TSPEAR: variants seen among roughly 807,000 people sequenced by gnomAD.
The protein encoded by TSPEAR is thrombospondin type laminin G domain and EAR repeats.
Under a neutral mutation model 71.6 loss-of-function variants are expected in TSPEAR, and 69 were observed. The ratio of observed to expected loss-of-function variants is 0.96; its 90% CI spans 0.79 to 1.18. TSPEAR has a LOEUF of 1.18. Among genes scored for constraint, TSPEAR ranks in the 50% most tolerant of loss-of-function variants. The pLI, the probability that TSPEAR is intolerant of heterozygous loss-of-function variation, is 0.00. For missense variants in TSPEAR, 971 were observed against 894.9 expected, an observed-to-expected ratio of 1.09 and a Z score of -1.09; for synonymous variants, 402 against 387.2, an observed-to-expected ratio of 1.04 and a Z score of -0.45.
chr21:44,563,787 C>A (rs2053669959), intron 2 of TSPEAR, among the ~76,000 whole-genome samples: 1 of 152,176 alleles, frequency 6.6e-6, no homozygotes. Context: ...CCTCTGGTCG[C>A]AGTTTCAACT....
At chr21:44,589,354 A>G (rs1979593517) in intron 1 of TSPEAR, among the ~76,000 whole-genome samples, 1 of 152,078 alleles carries the variant, frequency 6.6e-6, no homozygotes, top group Non-Finnish European at 1.5e-5. Flanking sequence ...TTGTCCTCTG[A>G]TGGACATTTA....
chr21:44,706,364 C>T (rs368844468), intron 1 of TSPEAR, among the ~76,000 whole-genome samples: 1 of 151,990 alleles, frequency 6.6e-6, no homozygotes, highest in African/African-American at 2.4e-5. Context: ...CCCACTTGCA[C>T]GCCCATGCAC....
At chr21:44,523,554 C>T (rs1555914586) in intron 8 of TSPEAR, among the ~76,000 whole-genome samples, 1 of 151,120 alleles carries the variant, frequency 6.6e-6, no homozygotes, top group Non-Finnish European at 1.5e-5. Flanking sequence ...GATGGTCAGT[C>T]AGTAAGTCAG....
At chr21:44,647,207 G>A (rs1158049137) in intron 1 of TSPEAR, 4 of 1,613,410 alleles carry the variant, frequency 2.5e-6, no homozygotes, top group African/African-American at 1.3e-5. Context: ...TCCACCTGCT[G>A]TGTGCCCGTC....
intron 1 of TSPEAR, among the ~76,000 whole-genome samples, chr21:44,568,896 C>T (rs1331792794): frequency 6.6e-6 from 1 of 152,210 alleles, no homozygotes; most frequent in African/African-American, 2.4e-5. Flanking sequence ...TCCACTCTGG[C>T]ACCCTCTAGG....
chr21:44,591,735 G>T (rs1387150118), intron 1 of TSPEAR: 2 of 1,596,970 alleles, frequency 1.3e-6, no homozygotes, highest in African/African-American at 2.7e-5. Flanking sequence ...ACTGCTGGCA[G>T]CATGAAGAGG....
chr21:44,534,659 G>A (rs2053057342), intron 2 of TSPEAR, among the ~76,000 whole-genome samples: 1 of 152,160 alleles, frequency 6.6e-6, no homozygotes, highest in Non-Finnish European at 1.5e-5. Context: ...ACACTGTGGA[G>A]AAACTGGAAC....
chr21:44,521,259 A>ACTC (rs1555914216), intron 9 of TSPEAR, among the ~76,000 whole-genome samples: 2 of 151,974 alleles, frequency 1.3e-5, no homozygotes, highest in African/African-American at 4.8e-5. Flanking sequence ...CCTGTCTCGT[A>ACTC]CTCCGCACCT....
At chr21:44,545,443 C>A (rs1197667451) in intron 2 of TSPEAR, among the ~76,000 whole-genome samples, 1 of 152,148 alleles carries the variant, frequency 6.6e-6, no homozygotes, top group African/African-American at 2.4e-5. Flanking sequence ...TCCAACCCAA[C>A]AAGAGTAGAC....
intron 2 of TSPEAR, among the ~76,000 whole-genome samples, chr21:44,536,280 C>T (rs2145994034): frequency 6.6e-6 from 1 of 152,376 alleles, no homozygotes; most frequent in Admixed American, 6.5e-5. Flanking sequence ...ACCTCAGCAA[C>T]ACTGACTTCT....
At chr21:44,646,300 C>A in intron 1 of TSPEAR, 2 of 1,065,474 alleles carry the variant, frequency 1.9e-6, no homozygotes, top group Non-Finnish European at 2.7e-6. Flanking sequence ...GCTGTAAACA[C>A]CAACAAGGAA....
chr21:44,528,359 G>T (rs377046915), intron 6 of TSPEAR, 93 bp downstream of exon 6: 7 of 1,557,288 alleles, frequency 4.5e-6, no homozygotes, highest in Non-Finnish European at 6.1e-6. Context: ...ATTCAGAGGT[G>T]GCTGAGGTGC....
At chr21:44,670,304 G>A (rs1985995466) in intron 1 of TSPEAR, among the ~76,000 whole-genome samples, 1 of 152,084 alleles carries the variant, frequency 6.6e-6, no homozygotes, top group Admixed American at 6.5e-5. Context: ...GTAAAAAGTG[G>A]GCAGGCTCAA....
chr21:44,582,197 C>G (rs1555925230), intron 1 of TSPEAR, among the ~76,000 whole-genome samples: 1 of 152,198 alleles, frequency 6.6e-6, no homozygotes, highest in Non-Finnish European at 1.5e-5. Context: ...TCCACATCAG[C>G]CACCGCGTGA....
intron 1 of TSPEAR, among the ~76,000 whole-genome samples, chr21:44,568,665 A>AGGG (rs1242104336): frequency 6.6e-6 from 1 of 152,176 alleles, no homozygotes; most frequent in African/African-American, 2.4e-5. Flanking sequence ...GGGCTAGCAG[A>AGGG]GGGCTGCAGA....
Position 44,631,439 on chromosome 21 carries a change from G to A in TSPEAR, c.83-63434C>T, listed in dbSNP as rs189939297. 7.1e-4 allele frequency among the ~76,000 whole-genome samples: 108 copies of A among 152,258 alleles called. 1 individual carries two copies. The highest frequency in any genetic ancestry group is 2.2e-3 in the African/African-American group (93 of 41,542). On this transcript the variant is annotated intron_variant, in intron 1 of 11. Transcript: ENST00000323084. ...AAGGGCATAAAAACAAAAAGAGGCCGAGCGTGATGGCTCACACCTGTAATC... is the reference window on the plus strand; with the variant it reads ...AAGGGCATAAAAACAAAAAGAGGCCAAGCGTGATGGCTCACACCTGTAATC...
At chr21:44,503,881 C>T (rs1265990532) in intron 11 of TSPEAR, among the ~76,000 whole-genome samples, 3 of 140,936 alleles carry the variant, frequency 2.1e-5, no homozygotes, top group African/African-American at 8.3e-5. Context: ...TTGGTGAGCC[C>T]ACAGGGGGGA....
intron 1 of TSPEAR, among the ~76,000 whole-genome samples, chr21:44,610,260 A>G (rs188477783): frequency 6.6e-6 from 1 of 152,268 alleles, no homozygotes; most frequent in African/African-American, 2.4e-5. Flanking sequence ...TCTCCAGGCC[A>G]TGTCAGAGAC....
rs587665788 is a variant in TSPEAR at position 44,640,117 on chromosome 21, G to A, written c.82+71316C>T. 1.4e-4 allele frequency among the ~76,000 whole-genome samples: 21 copies of A among 152,314 alleles called. No individual in the cohort carries two copies. The South Asian group carries it at 1.7e-3, about 12-fold the overall frequency. On this transcript the variant is annotated intron_variant, in intron 1 of 11. Transcript: ENST00000323084. ...ACACAGCACCACTGACAGTAGCCAAGAAGTGGAAAGAGCCCAAATGTCCAT... is the reference window on the plus strand; with the variant it reads ...ACACAGCACCACTGACAGTAGCCAAAAAGTGGAAAGAGCCCAAATGTCCAT...
Sources: gnomAD v4.1 joint callset for allele counts (sites outside exome capture counted in the v4.1 genomes callset) on GRCh38, gnomAD v4.1.1 for gene constraint, MANE v1.5 for transcripts, NCBI Gene and HGNC (gene_info 2026-07-23, HGNC 2026-07-21) for gene names.